UTRN: variants seen among roughly 807,000 people sequenced by gnomAD.
The protein encoded by UTRN is dystrophin-related protein 1.
Under a neutral mutation model 463.9 loss-of-function variants are expected in UTRN, and 283 were observed. That is an observed-to-expected ratio of 0.61 (90% CI 0.55 to 0.67). The LOEUF is 0.67. Ranked by LOEUF, UTRN falls within the 30% of genes least tolerant of loss-of-function variation. The pLI is 0.00. For synonymous variants in UTRN, 1,442 were observed against 1,431.5 expected (o/e 1.01, Z -0.17); for missense variants, 3,922 against 4,084.3 (o/e 0.96, Z 1.08).
At chr6:144,784,906 A>G (rs546599920) in intron 61 of UTRN, among the ~76,000 whole-genome samples, 1 of 152,356 alleles carries the variant, frequency 6.6e-6, no homozygotes, top group Admixed American at 6.5e-5. Flanking sequence ...GGCAAAGACC[A>G]TGCTGGATCA....
At chr6:144,322,567 G>A (rs1336945082) in intron 2 of UTRN, among the ~76,000 whole-genome samples, 1 of 152,164 alleles carries the variant, frequency 6.6e-6, no homozygotes, top group Non-Finnish European at 1.5e-5. Context: ...AAGACACTTT[G>A]ACTCAGAAAT....
At chr6:144,296,215 G>C (rs1248473229) in intron 2 of UTRN, among the ~76,000 whole-genome samples, 1 of 152,208 alleles carries the variant, frequency 6.6e-6, no homozygotes, top group African/African-American at 2.4e-5. Flanking sequence ...TGGTGGCTGA[G>C]CAAGCACTAC....
intron 23 of UTRN, among the ~76,000 whole-genome samples, chr6:144,464,155 A>G (rs1789697039): frequency 1.3e-5 from 2 of 152,188 alleles, no homozygotes; most frequent in Admixed American, 6.5e-5. Context: ...ACAAAAATTA[A>G]TGAAAATGTA....
chr6:144,800,905 G>A (rs1195706182), intron 64 of UTRN, among the ~76,000 whole-genome samples: 3 of 152,146 alleles, frequency 2.0e-5, no homozygotes, highest in Admixed American at 6.6e-5. Context: ...GAGAAATAAA[G>A]ACGCATAGTG....
intron 63 of UTRN, among the ~76,000 whole-genome samples, chr6:144,794,892 T>G (rs568731023): frequency 1.3e-5 from 2 of 152,156 alleles, no homozygotes; most frequent in Non-Finnish European, 2.9e-5. Flanking sequence ...TGTTTTGTAC[T>G]TTAAGTTCTG....
At chr6:144,428,150 A>G (rs1785462695) in intron 7 of UTRN, among the ~76,000 whole-genome samples, 1 of 152,154 alleles carries the variant, frequency 6.6e-6, no homozygotes, top group Non-Finnish European at 1.5e-5. Context: ...ATAATGTCCA[A>G]TTTGTGAGAT....
At position 144,839,265 on chromosome 6, in the gene UTRN, C is replaced by T. The variant is rs150292493; in HGVS notation, c.10158C>T (p.Gly3386=). Reference sequence around the variant, plus strand: ...ACTCGCTTGATCCAGATGCCTCCGGCCCACAGTTCCACCAGGCAGGTCGGT... The same window carrying T: ...ACTCGCTTGATCCAGATGCCTCCGGTCCACAGTTCCACCAGGCAGGTCGGT... The part of the protein sequence containing the change: ...LSYSLDPDAS[G]PQFHQAAGED... Residue 3386 remains glycine, a synonymous_variant, in exon 72 of 75, where the codon GGC becomes GGT. Transcript: ENST00000367545. 1,199 of 1,613,674 alleles carry T rather than the reference C, an allele frequency of 7.4e-4. 1 individual carries two copies. The highest frequency in any genetic ancestry group is 9.6e-4 in the Non-Finnish European group (1,135 of 1,179,890).
At chr6:144,779,663 C>T (rs979874919) in intron 60 of UTRN, among the ~76,000 whole-genome samples, 3 of 152,078 alleles carry the variant, frequency 2.0e-5, no homozygotes, top group East Asian at 1.9e-4. Flanking sequence ...GAGGCAGGCA[C>T]GTTCAGTGCT....
intron 50 of UTRN, among the ~76,000 whole-genome samples, chr6:144,564,567 A>C (rs1357351433): frequency 6.6e-6 from 1 of 152,160 alleles, no homozygotes; most frequent in East Asian, 1.9e-4. Flanking sequence ...ACTGACTTAT[A>C]GTTCAGCATG....
Position 144,426,452 on chromosome 6 carries a change from C to A in UTRN, c.571C>A (p.Arg191=). 1.2e-6 allele frequency: 2 copies of A among 1,613,456 alleles called. No individual in the cohort carries two copies. Among genetic ancestry groups the A allele is most frequent in the Middle Eastern group, 1.7e-4 (1 of 6,060 alleles). Residue 191 remains arginine, a synonymous_variant, in exon 7 of 75, where the codon CGA becomes AGA. Coordinates refer to ENST00000367545, the MANE Select transcript of UTRN (RefSeq NM_007124.3). ...DGLAFNAVLH[R]HKPDLFSWDK... ...ACTCGCCTTTAATGCTGTCCTCCAC[C>A]GACATAAGTGAGACATTACTCTATC...
intron 46 of UTRN, among the ~76,000 whole-genome samples, chr6:144,543,218 C>T (rs1798128107): frequency 6.6e-6 from 1 of 152,190 alleles, no homozygotes; most frequent in African/African-American, 2.4e-5. Context: ...TCAGCTATAA[C>T]TTGTTGTGTT....
At chr6:144,471,098 GA>G (rs1790601165) in intron 23 of UTRN, among the ~76,000 whole-genome samples, 2 of 133,732 alleles carry the variant, frequency 1.5e-5, no homozygotes, top group Admixed American at 7.4e-5. Context: ...GGGGGAGAGG[GA>G]GAGGGAGAGG....
At chr6:144,697,137 G>A (rs966903869) in intron 52 of UTRN, among the ~76,000 whole-genome samples, 1 of 152,108 alleles carries the variant, frequency 6.6e-6, no homozygotes, top group African/African-American at 2.4e-5. Context: ...AAGATATTCT[G>A]TAGTAGACAT....
chr6:144,439,019 T>A (rs926816345), intron 12 of UTRN, 124 bp downstream of exon 12: 8 of 1,040,638 alleles, frequency 7.7e-6, no homozygotes, highest in Non-Finnish European at 9.8e-6. Flanking sequence ...GTTGTCTTCA[T>A]TTAGCAGCTC....
At position 144,436,038 on chromosome 6, in the gene UTRN, A is replaced by T; in HGVS notation, c.959A>T (p.Glu320Val). 6.2e-7 allele frequency: 1 copy of T among 1,614,224 alleles called. No homozygotes were observed. Among genetic ancestry groups the T allele is most frequent in the Non-Finnish European group, 8.5e-7 (1 of 1,180,040 alleles). ...DLDSYQIALEEVLTWLLSAED... is the reference protein window; with the variant it reads ...DLDSYQIALEVVLTWLLSAED... ...GACAGCTATCAGATTGCGTTGGAGG[A>T]AGTGCTGACCTGGTTGCTTTCTGCT... The change falls in exon 10 of 75, where the codon GAA becomes GTA. Residue 320 changes from glutamate to valine, a missense_variant. Glu to Val is a moderately radical substitution (Grantham distance 121). Around this residue, in one of 3 missense-constraint regions of UTRN, gnomAD observed 2,349 missense variants for 2,303.8 expected, o/e 1.02. Coordinates refer to ENST00000367545, the MANE Select transcript of UTRN (RefSeq NM_007124.3).
In UTRN at chr6:144,484,432, C is replaced by CTTTTTTTT. The variant is rs765122659; in HGVS notation, c.3688-933_3688-926dup. Among the ~76,000 whole-genome samples the CTTTTTTTT allele has an allele frequency of 2.1e-4, 14 of 66,256 alleles. 1 individual carries two copies. The East Asian group carries it at 2.3e-3, about 11-fold the overall frequency. The allele number at this position is 66,256 out of a possible 152,430, so 43.5% of individuals were successfully genotyped here. On this transcript the variant is annotated intron_variant, in intron 27 of 74. Transcript: ENST00000367545. ...TTTTTCATTTTGTTCAAAAACCAAA[C>CTTTTTTTT]TTTTTTTTTTTTTTTTTTTTTTTTT...
intron 31 of UTRN, 34 bp downstream of exon 31, chr6:144,490,233 A>T (rs1245025283): frequency 9.6e-6 from 15 of 1,570,362 alleles, no homozygotes; most frequent in Non-Finnish European, 1.2e-5. Context: ...TTTACTTTTC[A>T]ACTTGTTGGG....
rs573439592 is a variant in UTRN, at chr6:144,394,251, TG to T, written c.80-8870del. On this transcript the variant is annotated intron_variant, in intron 2 of 74. Coordinates refer to ENST00000367545, the MANE Select transcript of UTRN (RefSeq NM_007124.3). ...TCTTATGCTGCTAATAAAGATATGC[TG>T]GAGACTAGGTAATTTATAAAGAAAA... Among the ~76,000 whole-genome samples the T allele has an allele frequency of 2.3e-3, 348 of 152,298 alleles. 2 individuals carry two copies. Among genetic ancestry groups the T allele is most frequent in the African/African-American group, 7.7e-3 (322 of 41,558 alleles).
chr6:144,682,146 C>T (rs1048906437), intron 52 of UTRN, among the ~76,000 whole-genome samples: 10 of 152,112 alleles, frequency 6.6e-5, no homozygotes, highest in African/African-American at 7.2e-5. Context: ...CCCCCCTGCC[C>T]CACCAACTAC....
Sources: gnomAD v4.1 joint callset for allele counts (sites outside exome capture counted in the v4.1 genomes callset) on GRCh38, gnomAD v4.1.1 for gene constraint, gnomAD v4.1.1 regional missense constraint, MANE v1.5 for transcripts, NCBI Gene and HGNC (gene_info 2026-07-23, HGNC 2026-07-21) for gene names.